The following ABCD2 variants were observed in gnomAD, a reference collection of about 807,000 sequenced individuals.
ABCD2 encodes ATP-binding cassette sub-family D member 2.
Under a neutral mutation model 70.9 loss-of-function variants are expected in ABCD2, and 36 were observed. The observed-to-expected ratio is 0.51, with a 90% CI of 0.39 to 0.67. The LOEUF (loss-of-function observed/expected upper bound fraction) is 0.67. ABCD2 is among the 30% of genes least tolerant of loss of function. The probability of loss-of-function intolerance (pLI) is 0.00; values close to 1 mark genes in which losing one functional copy is unlikely to be tolerated. For synonymous variants in ABCD2, 304 were observed against 306.9 expected, an observed-to-expected ratio of 0.99 and a Z score of 0.10; for missense variants, 729 against 890.2, an observed-to-expected ratio of 0.82 and a Z score of 2.30.
chr12:39,580,973 G>A (rs1217227485), intron 7 of ABCD2, among the ~76,000 whole-genome samples: 1 of 152,060 alleles, frequency 6.6e-6, no homozygotes, highest in Non-Finnish European at 1.5e-5. Context: ...GAAAAATTTG[G>A]ACTTGTTTTT....
chr12:39,574,538 C>T (rs1170531284), intron 8 of ABCD2, among the ~76,000 whole-genome samples: 1 of 152,036 alleles, frequency 6.6e-6, no homozygotes, highest in Non-Finnish European at 1.5e-5. Flanking sequence ...CTCTGCTTAT[C>T]CTTTCTCCCT....
downstream of ABCD2, among the ~76,000 whole-genome samples, chr12:39,546,206 A>G (rs1941023892): frequency 6.6e-6 from 1 of 152,286 alleles, no homozygotes; most frequent in African/African-American, 2.4e-5. Flanking sequence ...CAAGAATATG[A>G]AGGAGTGAGT....
chr12:39,587,981 A>G (rs1169800975), intron 6 of ABCD2, among the ~76,000 whole-genome samples: 1 of 152,194 alleles, frequency 6.6e-6, no homozygotes, highest in African/African-American at 2.4e-5. Flanking sequence ...TGCTAATGAT[A>G]TAGGGGTAGC....
At chr12:39,606,302 C>T (rs1941968407) in intron 3 of ABCD2, among the ~76,000 whole-genome samples, 1 of 152,156 alleles carries the variant, frequency 6.6e-6, no homozygotes, top group Non-Finnish European at 1.5e-5. Context: ...ACAAAGGAAA[C>T]TTGGTCCCTC....
At chr12:39,579,652 A>C (rs1941569752) in intron 7 of ABCD2, 33 bp from the exon 8 acceptor site, 1 of 1,501,206 alleles carries the variant, frequency 6.7e-7, no homozygotes, top group East Asian at 2.3e-5. Flanking sequence ...CATTTTTATA[A>C]ATCATTTGTT....
intron 6 of ABCD2, among the ~76,000 whole-genome samples, chr12:39,594,495 A>T (rs919907222): frequency 3.9e-5 from 6 of 152,216 alleles, no homozygotes; most frequent in Non-Finnish European, 8.8e-5. Flanking sequence ...TTCTCAGGAT[A>T]AAATCAATTT....
In ABCD2 at chr12:39,619,592, T is replaced by C; in HGVS notation, c.24A>G (p.Ala8=). 2.5e-6 allele frequency: 4 copies of C among 1,609,958 alleles called. No homozygotes were observed. The highest frequency in any genetic ancestry group is 3.4e-6 in the Non-Finnish European group (4 of 1,179,862). The change falls in exon 1 of 10, where the codon GCA becomes GCG. Residue 8 remains alanine (A), a synonymous_variant. Coordinates refer to ENST00000308666, the MANE Select transcript of ABCD2 (RefSeq NM_005164.4). MTHMLNA[A]ADRVKWTRSS... ...ATCTGGTCCATTTCACTCGATCAGC[T>C]GCTGCATTTAGCATATGTGTCATTT...
chr12:39,540,872 T>C, the ABCD2 span, among the ~76,000 whole-genome samples: 11 of 152,364 alleles, frequency 7.2e-5, no homozygotes, highest in African/African-American at 2.2e-4. Context: ...TGGCTCATGC[T>C]TCCCTAAAAT....
the ABCD2 span, among the ~76,000 whole-genome samples, chr12:39,534,747 G>GGAAAGAAAGAAAGA: frequency 4.7e-5 from 4 of 84,860 alleles, no homozygotes; most frequent in Non-Finnish European, 9.1e-5. Context: ...AAGGAAGGAA[G>GGAAAGAAAGAAAGA]GAAAGAAAGA....
chr12:39,583,803 G>T (rs370338868), intron 7 of ABCD2, among the ~76,000 whole-genome samples: 15 of 152,132 alleles, frequency 9.9e-5, no homozygotes, highest in African/African-American at 3.6e-4. Flanking sequence ...GCATTAGTTT[G>T]CTAAGGATGA....
chr12:39,536,103 T>C, the ABCD2 span, among the ~76,000 whole-genome samples: 2 of 152,012 alleles, frequency 1.3e-5, no homozygotes, highest in African/African-American at 2.4e-5. Flanking sequence ...AATAAATAAA[T>C]AAAATAAAAT....
At chr12:39,536,598 GGA>G in the ABCD2 span, among the ~76,000 whole-genome samples, 30 of 152,280 alleles carry the variant, frequency 2.0e-4, 1 homozygote, top group Admixed American at 1.9e-3. Context: ...AAAATGGGGA[GGA>G]GAGTTTTTGT....
chr12:39,539,580 T>C, the ABCD2 span: 2 of 154,006 alleles, frequency 1.3e-5, no homozygotes, highest in Non-Finnish European at 1.5e-5. Flanking sequence ...AGTTAAAATC[T>C]CAATGGGAAC....
chr12:39,600,068 C>G (rs1277241817), intron 6 of ABCD2, among the ~76,000 whole-genome samples: 3 of 152,202 alleles, frequency 2.0e-5, no homozygotes, highest in Non-Finnish European at 4.4e-5. Context: ...TTACATGATA[C>G]TCATTCTTAC....
At chr12:39,612,650 A>C (rs779517369) in intron 2 of ABCD2, among the ~76,000 whole-genome samples, 3 of 152,246 alleles carry the variant, frequency 2.0e-5, no homozygotes, top group Non-Finnish European at 4.4e-5. Context: ...ATACCTAATT[A>C]GAGTTTTAAA....
At chr12:39,601,615 C>T (rs1941898175) in intron 5 of ABCD2, among the ~76,000 whole-genome samples, 1 of 151,814 alleles carries the variant, frequency 6.6e-6, no homozygotes, top group Non-Finnish European at 1.5e-5. Context: ...CTACCAAGAG[C>T]AAATGAAATT....
the ABCD2 span, among the ~76,000 whole-genome samples, chr12:39,540,209 C>A: frequency 7.9e-5 from 12 of 152,200 alleles, no homozygotes; most frequent in Non-Finnish European, 2.9e-5. Flanking sequence ...TTACTTATAG[C>A]CCTTGCACAT....
chr12:39,549,319 A>G (rs117243494), downstream of ABCD2, among the ~76,000 whole-genome samples: 622 of 152,128 alleles, frequency 4.1e-3, 1 homozygote, highest in Middle Eastern at 0.048. Context: ...ACAAGAGCTG[A>G]GAAGATACTA....
At chr12:39,576,085 C>G (rs1941512069) in intron 8 of ABCD2, among the ~76,000 whole-genome samples, 1 of 152,142 alleles carries the variant, frequency 6.6e-6, no homozygotes. Context: ...GTACTTATGG[C>G]CTAGACCCAA....
Sources: allele counts gnomAD v4.1 joint callset (sites outside exome capture counted in the v4.1 genomes callset), GRCh38; gene constraint gnomAD v4.1.1; transcripts MANE v1.5; gene names NCBI Gene and HGNC (gene_info 2026-07-23, HGNC 2026-07-21).